The following WDR26 variants were observed in gnomAD, a reference collection of about 807,000 sequenced individuals.
The protein encoded by WDR26 is WD repeat-containing protein 26.
A neutral mutation model predicts 84.1 loss-of-function variants in WDR26; 5 were observed. The ratio of observed to expected loss-of-function variants is 0.06; its 90% CI spans 0.03 to 0.13. The LOEUF (loss-of-function observed/expected upper bound fraction) is 0.13. WDR26 is among the 10% of genes least tolerant of loss of function. The pLI is 1.00. For synonymous variants in WDR26, 415 were observed against 389.6 expected, an observed-to-expected ratio of 1.07 and a Z score of -0.77; for missense variants, 642 against 974.9, an observed-to-expected ratio of 0.66 and a Z score of 4.55.
At chr1:224,431,814 A>T in intron 1 of WDR26, 33 bp from the exon 2 acceptor site, 2 of 1,536,322 alleles carry the variant, frequency 1.3e-6, no homozygotes, top group South Asian at 2.4e-5. Flanking sequence ...AACAGACCTG[A>T]CCAATTTTAG....
rs937861270 is a variant in WDR26, at chr1:224,434,145, G to A, written c.261C>T (p.Pro87=). Residue 87 remains proline, a synonymous_variant, in exon 1 of 14, where the codon CCC becomes CCT. Coordinates refer to ENST00000414423, the MANE Select transcript of WDR26 (RefSeq NM_001379403.1). ...CCAGGCTGTGGCCGCTACTTCGGTG[G>A]GGGACAGCAGCGGCGGCGGGAGGGG... The A allele has an allele frequency of 2.8e-6, 4 of 1,422,390 alleles. No individual in the cohort carries two copies. Among genetic ancestry groups the A allele is most frequent in the African/African-American group, 2.9e-5 (2 of 69,052 alleles). The allele number at this position is 1,422,390 out of a possible 1,614,324, so 88.1% of individuals were successfully genotyped here.
intron 7 of WDR26, among the ~76,000 whole-genome samples, chr1:224,406,376 G>C (rs1673549183): frequency 6.6e-6 from 1 of 151,886 alleles, no homozygotes; most frequent in South Asian, 2.1e-4. Context: ...GATTTATTGA[G>C]TTTAGCTTTG....
intron 13 of WDR26, among the ~76,000 whole-genome samples, chr1:224,392,361 A>G (rs890602858): frequency 6.6e-6 from 1 of 152,134 alleles, no homozygotes; most frequent in Non-Finnish European, 1.5e-5. Flanking sequence ...GTCTCAAAAA[A>G]AAAAAAGAAA....
At chr1:224,422,063 A>G (rs1260462039) in intron 4 of WDR26, among the ~76,000 whole-genome samples, 2 of 152,304 alleles carry the variant, frequency 1.3e-5, no homozygotes, top group African/African-American at 4.8e-5. Flanking sequence ...AAAAAACATA[A>G]AAACAGAGTG....
Position 224,434,193 on chromosome 1 carries a change from C to T in WDR26, c.213G>A (p.Val71=), listed in dbSNP as rs1674525336. The T allele has an allele frequency of 7.1e-7, 1 of 1,415,832 alleles. No individual in the cohort carries two copies. The highest frequency in any genetic ancestry group is 9.2e-7 in the Non-Finnish European group (1 of 1,091,228). The allele number at this position is 1,415,832 out of a possible 1,614,324, so 87.7% of individuals were successfully genotyped here. ...GGGCAGCAGCCGGGGGAAGTCCCAC[C>T]ACTACCACCACGGAGGAGGAGGAGG... The change falls in exon 1 of 14, where the codon GTG becomes GTA. Residue 71 remains valine, a synonymous_variant. Transcript: ENST00000414423.
chr1:224,403,915 C>T (rs781699115), intron 8 of WDR26, among the ~76,000 whole-genome samples: 6 of 152,146 alleles, frequency 3.9e-5, no homozygotes, highest in Non-Finnish European at 7.4e-5. Flanking sequence ...CCAGCCTGGG[C>T]GACAGAGCGA....
At chr1:224,396,091 T>C (rs994387909) in intron 12 of WDR26, among the ~76,000 whole-genome samples, 6 of 152,228 alleles carry the variant, frequency 3.9e-5, no homozygotes, top group African/African-American at 1.4e-4. Context: ...CTATATCTGA[T>C]TGATGTTCAA....
intron 7 of WDR26, among the ~76,000 whole-genome samples, chr1:224,407,658 A>G (rs1041373048): frequency 6.6e-6 from 1 of 151,592 alleles, no homozygotes; most frequent in Non-Finnish European, 1.5e-5. Flanking sequence ...ACAGGCACGC[A>G]CTACCATGCC....
Position 224,399,274 on chromosome 1 carries a change from T to G in WDR26, c.1720-240A>C, listed in dbSNP as rs569966329. Among the ~76,000 whole-genome samples the G allele has an allele frequency of 3.8e-3, 574 of 152,274 alleles. 5 individuals carry two copies. Among genetic ancestry groups the G allele is most frequent in the African/African-American group, 0.013 (537 of 41,556 alleles). On this transcript the variant is annotated intron_variant, in intron 9 of 13. Transcript: ENST00000414423. Reference sequence around the variant, plus strand: ...AGACACTTTGTAGCTCTATCTTCCCTTCAATAACTCACCATGCATAAATAA... The same window carrying G: ...AGACACTTTGTAGCTCTATCTTCCCGTCAATAACTCACCATGCATAAATAA...
rs903189955 is a variant in WDR26, at chr1:224,389,291, A to G, written c.*544T>C. On this transcript the variant is annotated 3_prime_UTR_variant, in exon 14 of 14. Coordinates refer to ENST00000414423, the MANE Select transcript of WDR26 (RefSeq NM_001379403.1). ...TGGTTTATCATCTGGATCAGTATAT[A>G]CTGCGCAACGGGCAAGGCTAGAATC... 1 of 182,120 alleles carries G rather than the reference A, an allele frequency of 5.5e-6. No individual in the cohort carries two copies. Among genetic ancestry groups the G allele is most frequent in the Admixed American group, 6.2e-5 (1 of 16,212 alleles). The allele number at this position is 182,120 out of a possible 1,614,324, so 11.3% of individuals were successfully genotyped here. A position where few individuals can be genotyped will look rare whatever the true frequency, so the allele number is the denominator to read the frequency against.
At position 224,434,014 on chromosome 1, in the gene WDR26, T is replaced by G; in HGVS notation, c.392A>C (p.Glu131Ala). ...GTTCTGGGCCGACAAGCAGGCGAGT[T>G]CCGGGGTCTGTCCCTGGCCCCCGCC... The change falls in exon 1 of 14, where the codon GAA becomes GCA. Residue 131 changes from glutamate (E) to alanine (A), a missense_variant. Glu to Ala is a moderately radical substitution (Grantham distance 107). Transcript: ENST00000414423. 1.3e-6 allele frequency: 2 copies of G among 1,505,174 alleles called. No individual in the cohort carries two copies. The highest frequency in any genetic ancestry group is 1.8e-6 in the Non-Finnish European group (2 of 1,129,662). 93.2% of individuals were successfully genotyped at this position (1,505,174 alleles called of 1,614,324 possible).
chr1:224,420,411 G>T (rs1368292254), intron 4 of WDR26, among the ~76,000 whole-genome samples: 3 of 152,166 alleles, frequency 2.0e-5, no homozygotes, highest in Non-Finnish European at 4.4e-5. Context: ...GACCTGGCAA[G>T]TAACTCTCCT....
In WDR26 at chr1:224,434,716, G is replaced by A. The variant is rs992524974; in HGVS notation, c.-311C>T. On this transcript the variant is annotated 5_prime_UTR_variant, in exon 1 of 14. Transcript: ENST00000414423. ...GGCGGCGGCGGCGGCGGGCGGCAGC[G>A]GAGGCAGCTGCCGCCTCTGTCCTCG... is the stretch of plus-strand genomic sequence containing the variant. 45 of 961,370 alleles carry A rather than the reference G, an allele frequency of 4.7e-5. No individual in the cohort carries two copies. Among genetic ancestry groups the A allele is most frequent in the Non-Finnish European group, 5.4e-5 (44 of 808,524 alleles). 59.6% of individuals were successfully genotyped at this position (961,370 alleles called of 1,614,324 possible).
chr1:224,404,347 T>C (rs1673496723), intron 8 of WDR26, 83 bp downstream of exon 8: 4 of 1,475,788 alleles, frequency 2.7e-6, no homozygotes, highest in Non-Finnish European at 3.6e-6. Flanking sequence ...GGTTATATTA[T>C]ATAAATCAAT....
intron 13 of WDR26, among the ~76,000 whole-genome samples, chr1:224,390,841 T>C (rs1673104514): frequency 6.6e-6 from 1 of 152,140 alleles, no homozygotes; most frequent in Non-Finnish European, 1.5e-5. Context: ...ACCCACAGAA[T>C]TATGCAATCA....
intron 13 of WDR26, among the ~76,000 whole-genome samples, chr1:224,391,528 CT>C (rs1341179042): frequency 1.3e-5 from 2 of 150,988 alleles, no homozygotes; most frequent in African/African-American, 4.9e-5. Flanking sequence ...TACATTTTTC[CT>C]TTTTTGTTTC....
intron 13 of WDR26, among the ~76,000 whole-genome samples, chr1:224,392,993 G>A (rs1020094195): frequency 8.6e-5 from 13 of 151,436 alleles, no homozygotes; most frequent in African/African-American, 2.2e-4. Flanking sequence ...AACATTTTAC[G>A]TGCTCTATTT....
chr1:224,418,972 TA>T (rs1386888912), intron 5 of WDR26, among the ~76,000 whole-genome samples: 3 of 152,202 alleles, frequency 2.0e-5, no homozygotes, highest in Non-Finnish European at 4.4e-5. Flanking sequence ...TTGAATCCCT[TA>T]TACCTCCCCA....
Position 224,398,966 on chromosome 1 carries a change from A to G in WDR26, c.1788T>C (p.Asp596=). ...TATCTGATGCCAGAACAGTCTTTCC[A>G]TCACTCAAGCACCAAAGGCATTGCA... The change falls in exon 10 of 14, where the codon GAT becomes GAC. Residue 596 remains aspartate, a synonymous_variant. Coordinates refer to ENST00000414423, the MANE Select transcript of WDR26 (RefSeq NM_001379403.1). 3.1e-6 allele frequency: 5 copies of G among 1,612,766 alleles called. No homozygotes were observed. Among genetic ancestry groups the G allele is most frequent in the Non-Finnish European group, 4.2e-6 (5 of 1,179,532 alleles).
Sources: allele counts gnomAD v4.1 joint callset (sites outside exome capture counted in the v4.1 genomes callset), GRCh38; gene constraint gnomAD v4.1.1; transcripts MANE v1.5; gene names NCBI Gene and HGNC (gene_info 2026-07-23, HGNC 2026-07-21).